The following MAGI1 variants were observed in gnomAD, a reference collection of about 807,000 sequenced individuals.
The protein encoded by MAGI1 is membrane associated guanylate kinase, WW and PDZ domain containing 1, also known as membrane-associated guanylate kinase, WW and PDZ domain-containing protein 1.
In MAGI1, 58 loss-of-function variants were observed where a neutral mutation model predicts 139.9. The observed-to-expected ratio is 0.41, with a 90% CI of 0.34 to 0.52. The LOEUF (loss-of-function observed/expected upper bound fraction) is 0.52. Among genes scored for constraint, MAGI1 ranks in the 20% least tolerant of loss-of-function variants. The pLI is 0.12. For synonymous variants in MAGI1, 812 were observed against 737.9 expected, an observed-to-expected ratio of 1.10 and a Z score of -1.63; for missense variants, 1,874 against 1,901.6, an observed-to-expected ratio of 0.99 and a Z score of 0.27.
intron 1 of MAGI1, among the ~76,000 whole-genome samples, chr3:65,978,233 A>G (rs1471420226): frequency 6.6e-6 from 1 of 152,228 alleles, no homozygotes; most frequent in Non-Finnish European, 1.5e-5. Context: ...TCCTCCTCTT[A>G]CAAATGAGAA....
intron 1 of MAGI1, among the ~76,000 whole-genome samples, chr3:65,749,843 T>A (rs556043992): frequency 1.5e-4 from 23 of 152,242 alleles, no homozygotes; most frequent in East Asian, 1.4e-3. Flanking sequence ...TCAAGATATG[T>A]TCTGGAATCC....
intron 1 of MAGI1, among the ~76,000 whole-genome samples, chr3:65,997,348 C>A (rs191634101): frequency 9.0e-4 from 137 of 152,216 alleles, no homozygotes; most frequent in African/African-American, 3.1e-3. Flanking sequence ...GAATATCGGC[C>A]TCACAGAACT....
intron 1 of MAGI1, among the ~76,000 whole-genome samples, chr3:65,924,288 A>C (rs2062384362): frequency 6.6e-6 from 1 of 152,204 alleles, no homozygotes; most frequent in Non-Finnish European, 1.5e-5. Context: ...CACATATCAA[A>C]TTCTTGCCTT....
At chr3:65,954,500 G>A (rs1356220609) in intron 1 of MAGI1, 1 of 152,690 alleles carries the variant, frequency 6.5e-6, no homozygotes, top group Non-Finnish European at 1.5e-5. Context: ...TCCGGAAACA[G>A]GCAAGATGCA....
In MAGI1 at chr3:65,594,105, A is replaced by G. The variant is rs530103702; in HGVS notation, c.430+27867T>C. 3.9e-5 allele frequency among the ~76,000 whole-genome samples: 6 copies of G among 152,302 alleles called. No homozygotes were observed. The East Asian group carries it at 1.2e-3, about 29-fold the overall frequency. On this transcript the variant is annotated intron_variant, in intron 2 of 22. Transcript: ENST00000402939. ...ACCTATCAAAACTTTAAGGATGTCA[A>G]CCGCCATGGATGAAGAAATAATAAT...
chr3:65,591,822 T>C (rs2081976834), intron 2 of MAGI1, among the ~76,000 whole-genome samples: 1 of 152,208 alleles, frequency 6.6e-6, no homozygotes, highest in South Asian at 2.1e-4. Flanking sequence ...TACCCAGTTA[T>C]GCACATGGCT....
At chr3:65,691,258 G>A (rs147604215) in intron 1 of MAGI1, among the ~76,000 whole-genome samples, 17,167 of 148,550 alleles carry the variant, frequency 0.12, 1,520 homozygotes, top group East Asian at 0.42. Context: ...AGCCGAGATC[G>A]CGTCACTGCA....
intron 1 of MAGI1, among the ~76,000 whole-genome samples, chr3:65,635,207 G>C (rs991325875): frequency 2.4e-4 from 36 of 152,074 alleles, no homozygotes. Context: ...TGGAACTACA[G>C]GTGTGTGCCA....
chr3:65,510,335 T>G (rs1439481463), intron 2 of MAGI1, among the ~76,000 whole-genome samples: 1 of 152,040 alleles, frequency 6.6e-6, no homozygotes, highest in Non-Finnish European at 1.5e-5. Context: ...AGAAGAAGGC[T>G]TCAGACGATC....
intron 2 of MAGI1, chr3:65,498,927 A>G: frequency 1.2e-6 from 1 of 821,122 alleles, no homozygotes; most frequent in Non-Finnish European, 1.5e-6. Context: ...CAACCATGAG[A>G]ATATCTGAGT....
At chr3:65,811,491 G>C (rs1230204130) in intron 1 of MAGI1, among the ~76,000 whole-genome samples, 1 of 152,112 alleles carries the variant, frequency 6.6e-6, no homozygotes, top group Non-Finnish European at 1.5e-5. Context: ...CATCGACCAA[G>C]AGCAGTCACC....
chr3:65,908,385 C>A (rs890303274), intron 1 of MAGI1, among the ~76,000 whole-genome samples: 1 of 151,984 alleles, frequency 6.6e-6, no homozygotes, highest in African/African-American at 2.4e-5. Flanking sequence ...CTCACTGCAA[C>A]CTCCACCTCC....
chr3:65,865,514 T>A (rs1462382536), intron 1 of MAGI1, among the ~76,000 whole-genome samples: 1 of 152,216 alleles, frequency 6.6e-6, no homozygotes, highest in Admixed American at 6.5e-5. Flanking sequence ...GAGGATCACT[T>A]GAGCCTGGAG....
At chr3:65,472,865 T>A (rs2107591591) in intron 4 of MAGI1, among the ~76,000 whole-genome samples, 1 of 152,334 alleles carries the variant, frequency 6.6e-6, no homozygotes, top group East Asian at 1.9e-4. Context: ...AAGTTTTCAA[T>A]CTTAATTTCT....
intron 1 of MAGI1, among the ~76,000 whole-genome samples, chr3:65,692,011 G>A (rs1198240432): frequency 6.6e-6 from 1 of 152,048 alleles, no homozygotes; most frequent in Non-Finnish European, 1.5e-5. Flanking sequence ...TTACTCCAAA[G>A]TCAAAATTTA....
intron 13 of MAGI1, 115 bp from the exon 14 acceptor site, chr3:65,391,473 C>G: frequency 2.5e-6 from 2 of 785,434 alleles, no homozygotes; most frequent in Non-Finnish European, 2.0e-6. Flanking sequence ...TACATATCAA[C>G]AGTATTTTGG....
Position 65,431,759 on chromosome 3 carries a change from G to A in MAGI1, c.1364-878C>T, listed in dbSNP as rs571785869. On this transcript the variant is annotated intron_variant, in intron 10 of 22. Transcript: ENST00000402939. ...CCTAGCACTTTGGGAGGCTGAGTCA[G>A]GTGGAGCACTGAGGTCAGGAGTTCA... Among the ~76,000 whole-genome samples the A allele has an allele frequency of 1.7e-4, 26 of 152,128 alleles. 1 individual carries two copies. The South Asian group carries it at 5.4e-3, about 32-fold the overall frequency.
In MAGI1 at chr3:65,401,480, A is replaced by T; in HGVS notation, c.2168-10T>A. ...TTGGGAACTGGCAGCCCTGGAAAAAATGCAACAAGGAGGGGAGGGGGGAAG... is the reference window on the plus strand; with the variant it reads ...TTGGGAACTGGCAGCCCTGGAAAAATTGCAACAAGGAGGGGAGGGGGGAAG... On this transcript the variant is annotated splice_polypyrimidine_tract_variant and intron_variant, in intron 12 of 22. Transcript: ENST00000402939. 1 of 1,611,764 alleles carries T rather than the reference A, an allele frequency of 6.2e-7. No individual in the cohort carries two copies. Among genetic ancestry groups the T allele is most frequent in the African/African-American group, 1.3e-5 (1 of 74,970 alleles).
chr3:65,801,094 A>G (rs2040483625), intron 1 of MAGI1, among the ~76,000 whole-genome samples: 1 of 152,208 alleles, frequency 6.6e-6, no homozygotes, highest in African/African-American at 2.4e-5. Flanking sequence ...CACTTATGAA[A>G]ATGAGAGATA....
Sources: gnomAD v4.1 joint callset for allele counts (sites outside exome capture counted in the v4.1 genomes callset) on GRCh38, gnomAD v4.1.1 for gene constraint, MANE v1.5 for transcripts, NCBI Gene and HGNC (gene_info 2026-07-23, HGNC 2026-07-21) for gene names.